Variants in NME7 observed in about 807,000 individuals in gnomAD.
The protein encoded by NME7 is NME/NM23 family member 7.
NME7 carries 41 observed loss-of-function variants against 49.1 expected under a neutral mutation model. That is an observed-to-expected ratio of 0.83 (90% CI 0.65 to 1.08). NME7 has a LOEUF of 1.08. Among genes scored for constraint, NME7 ranks in the 50% least tolerant of loss-of-function variants. The pLI, the probability that NME7 is intolerant of heterozygous loss-of-function variation, is 0.00. For missense variants in NME7, 423 were observed against 463.4 expected (o/e 0.91, Z 0.80); for synonymous variants, 139 against 150.6 (o/e 0.92, Z 0.56).
intron 7 of NME7, among the ~76,000 whole-genome samples, chr1:169,242,012 C>T (rs1648110673): frequency 1.3e-5 from 2 of 152,040 alleles, no homozygotes; most frequent in South Asian, 4.1e-4. Flanking sequence ...TGGTCTTGAA[C>T]TCCTAGGCTC....
At chr1:169,222,671 A>G (rs556434756) in intron 10 of NME7, among the ~76,000 whole-genome samples, 16 of 152,292 alleles carry the variant, frequency 1.1e-4, no homozygotes, top group Non-Finnish European at 1.6e-4. Flanking sequence ...GCTAAACAAT[A>G]TAATCTATTT....
intron 10 of NME7, among the ~76,000 whole-genome samples, chr1:169,229,718 T>C (rs1256956106): frequency 6.6e-6 from 1 of 152,130 alleles, no homozygotes; most frequent in African/African-American, 2.4e-5. Context: ...CTCAACACTT[T>C]GGGAGGCCGA....
rs10689301 is a variant in NME7 at position 169,150,763 on chromosome 1, G to GAAAAAAAAA, written c.1099-17955_1099-17947dup. On this transcript the variant is annotated intron_variant, in intron 11 of 11. Coordinates refer to ENST00000367811, the MANE Select transcript of NME7 (RefSeq NM_013330.5). ...ATGATGAGAAGAGAGGCTGGAAAAG[G>GAAAAAAAAA]AAAAAAAAAAAAAAAAGAGGAGCAA... Among the ~76,000 whole-genome samples the GAAAAAAAAA allele has an allele frequency of 2.3e-4, 28 of 124,322 alleles. 2 individuals are homozygous for GAAAAAAAAA. Among genetic ancestry groups the GAAAAAAAAA allele is most frequent in the South Asian group, 8.0e-4 (3 of 3,766 alleles). 81.6% of individuals were successfully genotyped at this position (124,322 alleles called of 152,430 possible). A position where few individuals can be genotyped will look rare whatever the true frequency, so the allele number is the denominator to read the frequency against.
rs576812013 is a variant in NME7 at position 169,209,405 on chromosome 1, G to A, written c.990+21313C>T. ...CTTTGGTGTTTTAATTACTGTTACT[G>A]TATATATTCCAAAATAAAACAAACA... On this transcript the variant is annotated intron_variant, in intron 10 of 11. Coordinates refer to ENST00000367811, the MANE Select transcript of NME7 (RefSeq NM_013330.5). 6.4e-4 allele frequency among the ~76,000 whole-genome samples: 98 copies of A among 152,096 alleles called. No homozygotes were observed. In the Middle Eastern group the frequency reaches 0.01, roughly 16 times the overall value.
chr1:169,162,736 G>A (rs956368906), intron 11 of NME7, among the ~76,000 whole-genome samples: 1 of 152,096 alleles, frequency 6.6e-6, no homozygotes, highest in Admixed American at 6.6e-5. Context: ...CCTCTCAGGA[G>A]GCTGAGGCAG....
At chr1:169,214,820 T>C (rs1660930897) in intron 10 of NME7, among the ~76,000 whole-genome samples, 1 of 152,212 alleles carries the variant, frequency 6.6e-6, no homozygotes, top group African/African-American at 2.4e-5. Context: ...TGTGGCAGCA[T>C]CCAAGTGGGG....
intron 10 of NME7, among the ~76,000 whole-genome samples, chr1:169,177,823 G>A (rs185614150): frequency 4.0e-4 from 58 of 143,352 alleles, no homozygotes; most frequent in Middle Eastern, 7.2e-3. Context: ...CCTTGGCTCA[G>A]CAATTCTCTT....
At chr1:169,238,280 T>C (rs1647939383) in intron 7 of NME7, among the ~76,000 whole-genome samples, 1 of 151,790 alleles carries the variant, frequency 6.6e-6, no homozygotes, top group Non-Finnish European at 1.5e-5. Context: ...AGAGATTGAA[T>C]TCAAATCGAT....
At position 169,272,295 on chromosome 1, in the gene NME7, CTTTTA is replaced by C. The variant is rs972444263; in HGVS notation, c.754+15003_754+15007del. On this transcript the variant is annotated intron_variant, in intron 7 of 11. Coordinates refer to ENST00000367811, the MANE Select transcript of NME7 (RefSeq NM_013330.5). ...TACATGTGCAATTTTTATTCTTCAA[CTTTTA>C]TTTTAACTTCTGGGACACATGTGCA... Among the ~76,000 whole-genome samples, 11 of 133,100 alleles carry C rather than the reference CTTTTA, an allele frequency of 8.3e-5. 2 individuals are homozygous for C. Among genetic ancestry groups the C allele is most frequent in the African/African-American group, 2.5e-4 (10 of 39,422 alleles). The allele number at this position is 133,100 out of a possible 152,430, so 87.3% of individuals were successfully genotyped here.
intron 1 of NME7, among the ~76,000 whole-genome samples, chr1:169,355,873 CTGAT>C (rs1653453582): frequency 6.6e-6 from 1 of 152,200 alleles, no homozygotes; most frequent in Admixed American, 6.5e-5. Context: ...GACTTTGTCA[CTGAT>C]TGCTCAGAAC....
intron 7 of NME7, among the ~76,000 whole-genome samples, chr1:169,279,045 G>A (rs879137233): frequency 6.6e-6 from 1 of 152,172 alleles, no homozygotes; most frequent in African/African-American, 2.4e-5. Flanking sequence ...TCCTCTTGAA[G>A]TTTTGTCTCA....
rs572677161 is a variant in NME7, at chr1:169,139,991, A to G, written c.1099-7174T>C. Among the ~76,000 whole-genome samples the G allele has an allele frequency of 5.5e-4, 84 of 152,332 alleles. 1 individual carries two copies. Among genetic ancestry groups the G allele is most frequent in the African/African-American group, 1.9e-3 (81 of 41,568 alleles). On this transcript the variant is annotated intron_variant, in intron 11 of 11. Coordinates refer to ENST00000367811, the MANE Select transcript of NME7 (RefSeq NM_013330.5). ...TGTACCTTGATAATAGTATCGTATT[A>G]ATGTTAACTTCTTGATTCGCAATCA...
At chr1:169,363,121 C>A (rs1653722085) in intron 1 of NME7, among the ~76,000 whole-genome samples, 1 of 151,806 alleles carries the variant, frequency 6.6e-6, no homozygotes, top group Non-Finnish European at 1.5e-5. Flanking sequence ...CACCTATTAT[C>A]CTAGCTGCTC....
chr1:169,339,913 A>G (rs983860312), intron 1 of NME7, among the ~76,000 whole-genome samples: 7 of 152,192 alleles, frequency 4.6e-5, no homozygotes, highest in African/African-American at 1.4e-4. Context: ...CTCCTCTGCA[A>G]TGAAGACCAC....
chr1:169,219,448 A>C (rs754984933), intron 10 of NME7, among the ~76,000 whole-genome samples: 11 of 152,200 alleles, frequency 7.2e-5, no homozygotes, highest in Non-Finnish European at 1.6e-4. Context: ...TAAGGGACTT[A>C]ACTATGCGCA....
At position 169,275,115 on chromosome 1, in the gene NME7, C is replaced by T. The variant is rs1350476099; in HGVS notation, c.754+12188G>A. Among the ~76,000 whole-genome samples, 2 of 132,388 alleles carry T rather than the reference C, an allele frequency of 1.5e-5. 1 individual carries two copies. Among genetic ancestry groups the T allele is most frequent in the Non-Finnish European group, 3.5e-5 (2 of 56,658 alleles). The allele number at this position is 132,388 out of a possible 152,430, so 86.9% of individuals were successfully genotyped here. A position where few individuals can be genotyped will look rare whatever the true frequency, so the allele number is the denominator to read the frequency against. On this transcript the variant is annotated intron_variant, in intron 7 of 11. Transcript: ENST00000367811. ...CACCCATGAGCATGGAATGTTCTTCCACTTGTTTGTATCCTCTTTTATTTC... is the reference window on the plus strand; with the variant it reads ...CACCCATGAGCATGGAATGTTCTTCTACTTGTTTGTATCCTCTTTTATTTC...
chr1:169,183,036 A>C (rs1340225953), intron 10 of NME7, among the ~76,000 whole-genome samples: 1 of 152,250 alleles, frequency 6.6e-6, no homozygotes. Flanking sequence ...GAGAATGGAA[A>C]TGAGAACTCT....
intron 10 of NME7, among the ~76,000 whole-genome samples, chr1:169,202,708 A>G (rs2101780888): frequency 6.6e-6 from 1 of 152,302 alleles, no homozygotes; most frequent in African/African-American, 2.4e-5. Context: ...ATTTCTCATT[A>G]AGGGTTGTAG....
chr1:169,184,658 A>G (rs1224632181), intron 10 of NME7, among the ~76,000 whole-genome samples: 1 of 152,172 alleles, frequency 6.6e-6, no homozygotes, highest in East Asian at 1.9e-4. Context: ...CTACATATTC[A>G]ATAAATATTT....
Sources: gnomAD v4.1 joint callset for allele counts (sites outside exome capture counted in the v4.1 genomes callset) on GRCh38, gnomAD v4.1.1 for gene constraint, MANE v1.5 for transcripts, NCBI Gene and HGNC (gene_info 2026-07-23, HGNC 2026-07-21) for gene names.